KLF12: variants seen among roughly 807,000 people sequenced by gnomAD.
KLF12 encodes the protein Krueppel-like factor 12.
KLF12 carries 9 observed loss-of-function variants against 37.8 expected under a neutral mutation model. The observed-to-expected ratio is 0.24, with a 90% CI of 0.14 to 0.42. The LOEUF is 0.42. Ranked by LOEUF, KLF12 falls within the 10% of genes least tolerant of loss-of-function variation. The pLI is 1.00. For missense variants in KLF12, 411 were observed against 516.0 expected (o/e 0.80, Z 1.97); for synonymous variants, 208 against 202.1 (o/e 1.03, Z -0.25).
chr13:74,065,360 G>A lies in KLF12; in HGVS notation c.-32+68379C>T, dbSNP rs532248022. 1.7e-4 allele frequency among the ~76,000 whole-genome samples: 26 copies of A among 152,256 alleles called. No individual in the cohort carries two copies. The East Asian group carries it at 2.5e-3, about 15-fold the overall frequency. On this transcript the variant is annotated intron_variant, in intron 1 of 7. Transcript: ENST00000377669. Reference sequence around the variant, plus strand: ...TCAAAACACATATATTTTAAAGTGAGAAATTCAGGTGTGAGCCAGACACTT... The same window carrying A: ...TCAAAACACATATATTTTAAAGTGAAAAATTCAGGTGTGAGCCAGACACTT...
At chr13:73,922,941 C>T (rs1223550920) in intron 3 of KLF12, among the ~76,000 whole-genome samples, 3 of 152,164 alleles carry the variant, frequency 2.0e-5, no homozygotes, top group Admixed American at 6.5e-5. Flanking sequence ...GGCACAGCAG[C>T]CCTGCCATCA....
At chr13:73,941,264 A>T (rs1196881136) in intron 3 of KLF12, among the ~76,000 whole-genome samples, 2 of 152,146 alleles carry the variant, frequency 1.3e-5, no homozygotes, top group African/African-American at 4.8e-5. Flanking sequence ...CTTTTTCAAA[A>T]GTCCATAATC....
At chr13:73,890,397 T>A (rs1258003198) in intron 3 of KLF12, among the ~76,000 whole-genome samples, 1 of 152,146 alleles carries the variant, frequency 6.6e-6, no homozygotes, top group African/African-American at 2.4e-5. Flanking sequence ...GACATTGATA[T>A]CAGGATTATC....
chr13:73,963,441 C>T (rs1212411863), intron 2 of KLF12, among the ~76,000 whole-genome samples: 1 of 152,066 alleles, frequency 6.6e-6, no homozygotes, highest in Non-Finnish European at 1.5e-5. Flanking sequence ...AGACACAGCA[C>T]TCTGCCTCAA....
At chr13:73,877,038 A>G (rs1886741195) in intron 3 of KLF12, among the ~76,000 whole-genome samples, 1 of 151,968 alleles carries the variant, frequency 6.6e-6, no homozygotes. Flanking sequence ...AAAAGAAAAG[A>G]AATACTTTTT....
At chr13:74,235,611 A>G in the KLF12 span, among the ~76,000 whole-genome samples, 1 of 152,214 alleles carries the variant, frequency 6.6e-6, no homozygotes, top group South Asian at 2.1e-4. Context: ...AAAATGAGAT[A>G]AGATCTTTAT....
chr13:74,134,575 T>G (rs1206745754), upstream of KLF12, among the ~76,000 whole-genome samples: 1 of 135,926 alleles, frequency 7.4e-6, no homozygotes, highest in Non-Finnish European at 1.6e-5. Context: ...GCCCCGGGCC[T>G]CGGCAGCGCT....
intron 3 of KLF12, among the ~76,000 whole-genome samples, chr13:73,897,188 T>C (rs1241531948): frequency 1.3e-5 from 2 of 151,184 alleles, no homozygotes; most frequent in Non-Finnish European, 2.9e-5. Context: ...TAAATCCCTC[T>C]GATGAAAAAT....
intron 1 of KLF12, among the ~76,000 whole-genome samples, chr13:73,999,486 T>C (rs1892212214): frequency 6.6e-6 from 1 of 151,930 alleles, no homozygotes; most frequent in Non-Finnish European, 1.5e-5. Context: ...GTAATCCTAG[T>C]ACTTTGGGAG....
At chr13:74,155,139 T>A in the KLF12 span, among the ~76,000 whole-genome samples, 3 of 152,006 alleles carry the variant, frequency 2.0e-5, no homozygotes, top group Non-Finnish European at 4.4e-5. Flanking sequence ...TGGTTCTGAC[T>A]TGCTCCAAGT....
chr13:73,958,047 A>C (rs766004069), intron 2 of KLF12, among the ~76,000 whole-genome samples: 1 of 152,176 alleles, frequency 6.6e-6, no homozygotes, highest in Non-Finnish European at 1.5e-5. Context: ...TGCACCGTCT[A>C]TATCTGTGCT....
At chr13:73,915,800 G>A (rs566840371) in intron 3 of KLF12, among the ~76,000 whole-genome samples, 13 of 151,008 alleles carry the variant, frequency 8.6e-5, no homozygotes, top group African/African-American at 2.7e-4. Flanking sequence ...CTAAAGTGCT[G>A]GGATTACAGG....
intron 5 of KLF12, among the ~76,000 whole-genome samples, chr13:73,789,223 G>GTGA (rs1283528986): frequency 2.0e-5 from 3 of 152,180 alleles, no homozygotes; most frequent in Non-Finnish European, 4.4e-5. Context: ...CTGGACCATG[G>GTGA]TGATACTCTA....
intron 2 of KLF12, among the ~76,000 whole-genome samples, chr13:73,984,294 C>CAA (rs1227782163): frequency 6.6e-6 from 1 of 152,206 alleles, no homozygotes; most frequent in Non-Finnish European, 1.5e-5. Flanking sequence ...CTGCCGCATG[C>CAA]ATCTCACACT....
chr13:74,189,212 C>T, the KLF12 span, among the ~76,000 whole-genome samples: 1 of 152,092 alleles, frequency 6.6e-6, no homozygotes, highest in Admixed American at 6.5e-5. Context: ...GTTTGCTAAC[C>T]TTCTTCCGTA....
At chr13:73,739,532 A>C (rs1293792627) in intron 6 of KLF12, among the ~76,000 whole-genome samples, 1 of 152,134 alleles carries the variant, frequency 6.6e-6, no homozygotes, top group Non-Finnish European at 1.5e-5. Context: ...AAAATCAATA[A>C]AAAAATTAAT....
intron 2 of KLF12, among the ~76,000 whole-genome samples, chr13:73,950,995 A>C (rs1339538670): frequency 6.6e-6 from 1 of 152,206 alleles, no homozygotes; most frequent in Non-Finnish European, 1.5e-5. Flanking sequence ...TTCCCTGGGC[A>C]CATGCTTGGA....
the KLF12 span, among the ~76,000 whole-genome samples, chr13:74,302,252 T>C: frequency 6.6e-6 from 1 of 152,118 alleles, no homozygotes; most frequent in Non-Finnish European, 1.5e-5. Flanking sequence ...ATGTGATGAT[T>C]GGAAAATAAG....
At chr13:73,951,318 C>T (rs1890638452) in intron 2 of KLF12, among the ~76,000 whole-genome samples, 1 of 152,226 alleles carries the variant, frequency 6.6e-6, no homozygotes, top group Middle Eastern at 3.4e-3. Flanking sequence ...TGTGGAGTTT[C>T]ATTCCAGTCA....
Sources: gnomAD v4.1 joint callset for allele counts (sites outside exome capture counted in the v4.1 genomes callset) on GRCh38, gnomAD v4.1.1 for gene constraint, MANE v1.5 for transcripts, NCBI Gene and HGNC (gene_info 2026-07-23, HGNC 2026-07-21) for gene names.